SMYD3: variants seen among roughly 807,000 people sequenced by gnomAD.
The protein encoded by SMYD3 is SET and MYND domain containing 3, also known as histone-lysine N-methyltransferase SMYD3.
In SMYD3, 36 loss-of-function variants were observed where a neutral mutation model predicts 57.7. The observed-to-expected ratio is 0.62, with a 90% CI of 0.48 to 0.82. SMYD3 has a LOEUF of 0.82. SMYD3 is among the 40% of genes least tolerant of loss of function. SMYD3 has a pLI of 0.00. For missense variants in SMYD3, 515 were observed against 538.8 expected (o/e 0.96, Z 0.44); for synonymous variants, 211 against 195.0 (o/e 1.08, Z -0.68).
chr1:246,042,794 G>C (rs2059900731), intron 5 of SMYD3, among the ~76,000 whole-genome samples: 1 of 151,964 alleles, frequency 6.6e-6, no homozygotes. Context: ...GCCCTGTTTT[G>C]TCTTCCCCCA....
At chr1:246,260,514 G>A (rs148507071) in intron 5 of SMYD3, among the ~76,000 whole-genome samples, 1,517 of 151,700 alleles carry the variant, frequency 0.01, 17 homozygotes, top group Middle Eastern at 0.017. Flanking sequence ...GCAATGGCCC[G>A]ACCTTGGCTC....
intron 1 of SMYD3, among the ~76,000 whole-genome samples, chr1:246,401,534 T>C (rs2066768379): frequency 1.3e-5 from 2 of 152,088 alleles, no homozygotes; most frequent in Admixed American, 1.3e-4. Flanking sequence ...GGTTTCACCA[T>C]GTTGGCGAGG....
At chr1:246,110,564 C>G (rs1283091243) in intron 5 of SMYD3, among the ~76,000 whole-genome samples, 1 of 152,200 alleles carries the variant, frequency 6.6e-6, no homozygotes, top group Admixed American at 6.5e-5. Flanking sequence ...TCCCTCTGAG[C>G]GCAAGCAAGC....
At chr1:246,065,967 G>A (rs546776662) in intron 5 of SMYD3, among the ~76,000 whole-genome samples, 2 of 151,988 alleles carry the variant, frequency 1.3e-5, no homozygotes, top group South Asian at 4.2e-4. Flanking sequence ...CTTTACATCT[G>A]TTTTTGTTGT....
chr1:246,333,530 A>G (rs775816693), intron 3 of SMYD3, among the ~76,000 whole-genome samples: 2 of 152,210 alleles, frequency 1.3e-5, no homozygotes, highest in Middle Eastern at 3.2e-3. Context: ...TCCAGAATCT[A>G]TAAGGAACTT....
rs115912467 is a variant in SMYD3 at position 245,932,283 on chromosome 1, C to T, written c.532-2346G>A. Among the ~76,000 whole-genome samples, 831 of 152,144 alleles carry T rather than the reference C, an allele frequency of 5.5e-3. 6 individuals are homozygous for T. The highest frequency in any genetic ancestry group is 0.019 in the African/African-American group (789 of 41,500). ...AAAATCTTTATCAGTTTTTTTCCAT[C>T]GGTTTATTTCATGGATTCTGATGGA... On this transcript the variant is annotated intron_variant, in intron 5 of 11. Transcript: ENST00000490107.
chr1:245,927,807 C>G, intron 7 of SMYD3, 124 bp downstream of exon 7: 1 of 702,668 alleles, frequency 1.4e-6, no homozygotes, highest in Non-Finnish European at 2.5e-6. Flanking sequence ...ACTACAAATA[C>G]TCTCACTGGC....
intron 2 of SMYD3, among the ~76,000 whole-genome samples, chr1:246,349,582 T>A (rs2065788127): frequency 6.6e-6 from 1 of 152,076 alleles, no homozygotes; most frequent in South Asian, 2.1e-4. Context: ...CACTCCAGCC[T>A]GGGTGACAGA....
intron 1 of SMYD3, among the ~76,000 whole-genome samples, chr1:246,432,514 G>C (rs2067311593): frequency 6.6e-6 from 1 of 152,194 alleles, no homozygotes; most frequent in Non-Finnish European, 1.5e-5. Context: ...AATCTGCACA[G>C]TGTCAAGAAA....
chr1:246,000,680 G>C (rs1374359028), intron 5 of SMYD3, among the ~76,000 whole-genome samples: 1 of 152,204 alleles, frequency 6.6e-6, no homozygotes, highest in East Asian at 1.9e-4. Flanking sequence ...TTATTAAGGA[G>C]TTTCATTTCC....
intron 1 of SMYD3, among the ~76,000 whole-genome samples, chr1:246,482,297 A>G (rs942137395): frequency 6.6e-6 from 1 of 152,220 alleles, no homozygotes; most frequent in Non-Finnish European, 1.5e-5. Flanking sequence ...AGAAAGCCAC[A>G]GCAGTGCTCC....
intron 5 of SMYD3, among the ~76,000 whole-genome samples, chr1:246,061,308 G>A (rs2060248467): frequency 6.6e-6 from 1 of 152,084 alleles, no homozygotes; most frequent in South Asian, 2.1e-4. Context: ...AGGACTGGTA[G>A]GTACCATATG....
chr1:245,851,242 G>A (rs1000875298), intron 10 of SMYD3, among the ~76,000 whole-genome samples: 1 of 152,168 alleles, frequency 6.6e-6, no homozygotes, highest in Non-Finnish European at 1.5e-5. Flanking sequence ...GCTGTTGAAG[G>A]CTATCTGTAA....
chr1:245,840,067 AAAGAG>A (rs2050324570), intron 10 of SMYD3, among the ~76,000 whole-genome samples: 1 of 152,328 alleles, frequency 6.6e-6, no homozygotes, highest in South Asian at 2.1e-4. Flanking sequence ...GACACTAGAA[AAAGAG>A]AAGTTTAACA....
intron 1 of SMYD3, among the ~76,000 whole-genome samples, chr1:246,414,084 T>A (rs2102989473): frequency 6.6e-6 from 1 of 152,312 alleles, no homozygotes; most frequent in Admixed American, 6.5e-5. Context: ...CACAGAAATG[T>A]ATCCCTACAT....
chr1:246,433,343 G>T (rs1379218117), intron 1 of SMYD3, among the ~76,000 whole-genome samples: 2 of 152,168 alleles, frequency 1.3e-5, no homozygotes, highest in African/African-American at 2.4e-5. Context: ...AACATTCCAT[G>T]CTCATGAATT....
At chr1:246,363,457 TG>T (rs1312844390) in intron 1 of SMYD3, among the ~76,000 whole-genome samples, 1 of 152,036 alleles carries the variant, frequency 6.6e-6, no homozygotes, top group Admixed American at 6.6e-5. Context: ...ATGATGACAA[TG>T]GCGGTTTTGT....
chr1:246,275,741 G>A (rs56115602), intron 5 of SMYD3, among the ~76,000 whole-genome samples: 4,021 of 150,932 alleles, frequency 0.027, 173 homozygotes, highest in African/African-American at 0.089. Flanking sequence ...TGTCTCTAGT[G>A]GAGTCTGATG....
At chr1:246,244,777 T>A (rs2063673907) in intron 5 of SMYD3, among the ~76,000 whole-genome samples, 1 of 152,240 alleles carries the variant, frequency 6.6e-6, no homozygotes, top group African/African-American at 2.4e-5. Flanking sequence ...TGTTGCCTAC[T>A]ATAAACAGTT....
Sources: gnomAD v4.1 joint callset for allele counts (sites outside exome capture counted in the v4.1 genomes callset) on GRCh38, gnomAD v4.1.1 for gene constraint, MANE v1.5 for transcripts, NCBI Gene and HGNC (gene_info 2026-07-23, HGNC 2026-07-21) for gene names.